The following PDZD2 variants were observed in gnomAD, a reference collection of about 807,000 sequenced individuals.
PDZD2 encodes PDZ domain containing 2.
Under a neutral mutation model 220.7 loss-of-function variants are expected in PDZD2, and 90 were observed. That is an observed-to-expected ratio of 0.41 (90% CI 0.34 to 0.49). The LOEUF (loss-of-function observed/expected upper bound fraction) is 0.49. Ranked by LOEUF, PDZD2 falls within the 20% of genes least tolerant of loss-of-function variation. PDZD2 has a pLI of 0.28. For synonymous variants in PDZD2, 1,375 were observed against 1,450.5 expected, an observed-to-expected ratio of 0.95 and a Z score of 1.18; for missense variants, 3,174 against 3,608.5, an observed-to-expected ratio of 0.88 and a Z score of 3.08.
At chr5:32,067,963 A>T (rs1473115839) in intron 14 of PDZD2, among the ~76,000 whole-genome samples, 1 of 152,212 alleles carries the variant, frequency 6.6e-6, no homozygotes, top group Non-Finnish European at 1.5e-5. Flanking sequence ...GGATATTTAC[A>T]TAGTCTCAAA....
chr5:32,048,415 A>T (rs981321945), intron 7 of PDZD2, 124 bp from the exon 8 acceptor site: 1 of 736,538 alleles, frequency 1.4e-6, no homozygotes, highest in Non-Finnish European at 2.3e-6. Flanking sequence ...CTTTGAGTGT[A>T]TTGGACGCTA....
At chr5:31,741,713 C>A (rs1750277001) in intron 1 of PDZD2, 1 of 152,228 alleles carries the variant, frequency 6.6e-6, no homozygotes, top group Non-Finnish European at 1.5e-5. Flanking sequence ...ACACTTGTGC[C>A]TTTGCTTCTG....
At chr5:31,778,622 A>C (rs776445355) in intron 1 of PDZD2, among the ~76,000 whole-genome samples, 1 of 152,144 alleles carries the variant, frequency 6.6e-6, no homozygotes, top group Non-Finnish European at 1.5e-5. Flanking sequence ...GAAACTCCGA[A>C]CACGTCCGAA....
intron 6 of PDZD2, among the ~76,000 whole-genome samples, chr5:32,012,143 C>T (rs1029345151): frequency 1.1e-4 from 17 of 152,280 alleles, no homozygotes; most frequent in African/African-American, 2.9e-4. Flanking sequence ...TCATTGCTCT[C>T]GTCCCCTCCT....
chr5:31,875,294 T>C (rs889540822), intron 2 of PDZD2, among the ~76,000 whole-genome samples: 2 of 151,972 alleles, frequency 1.3e-5, no homozygotes, highest in African/African-American at 4.8e-5. Flanking sequence ...ATTAAAAATA[T>C]ATTTCAAGGC....
chr5:31,733,208 G>GT (rs1331094548), intron 1 of PDZD2, among the ~76,000 whole-genome samples: 1 of 152,178 alleles, frequency 6.6e-6, no homozygotes, highest in African/African-American at 2.4e-5. Flanking sequence ...CTGGAAGGGA[G>GT]TACAGGGGCT....
At chr5:31,739,487 T>C (rs1750119196) in intron 1 of PDZD2, among the ~76,000 whole-genome samples, 1 of 152,152 alleles carries the variant, frequency 6.6e-6, no homozygotes. Flanking sequence ...AGAATGATAA[T>C]TATATGATAA....
chr5:31,789,351 TG>T (rs1753568309), intron 1 of PDZD2, among the ~76,000 whole-genome samples: 1 of 152,172 alleles, frequency 6.6e-6, no homozygotes, highest in Admixed American at 6.5e-5. Context: ...CGAACATAGG[TG>T]GGTTTCTGTT....
At chr5:31,955,792 T>C (rs1747621985) in intron 2 of PDZD2, among the ~76,000 whole-genome samples, 2 of 151,998 alleles carry the variant, frequency 1.3e-5, no homozygotes, top group Admixed American at 1.3e-4. Flanking sequence ...ACTTGCCTCT[T>C]AGAACTGCTT....
intron 7 of PDZD2, among the ~76,000 whole-genome samples, chr5:32,047,561 A>T (rs534621767): frequency 6.6e-6 from 1 of 152,238 alleles, no homozygotes; most frequent in Non-Finnish European, 1.5e-5. Flanking sequence ...AGAATACGCA[A>T]CAAAGGCCAT....
chr5:31,642,719 G>A (rs1285018484), intron 1 of PDZD2, among the ~76,000 whole-genome samples: 1 of 152,224 alleles, frequency 6.6e-6, no homozygotes, highest in Non-Finnish European at 1.5e-5. Context: ...GCAAGTGCAG[G>A]GAAAGAACAA....
At chr5:31,884,972 A>G (rs1048416788) in intron 2 of PDZD2, among the ~76,000 whole-genome samples, 13 of 152,094 alleles carry the variant, frequency 8.5e-5, no homozygotes, top group Admixed American at 2.6e-4. Flanking sequence ...GGAAGCTACC[A>G]CATTGTTTGT....
chr5:31,884,148 G>A (rs1339622085), intron 2 of PDZD2, among the ~76,000 whole-genome samples: 1 of 152,186 alleles, frequency 6.6e-6, no homozygotes, highest in Non-Finnish European at 1.5e-5. Context: ...AGGAGGCTGA[G>A]GTTGCAGTGA....
At chr5:31,728,047 C>T (rs1749285468) in intron 1 of PDZD2, among the ~76,000 whole-genome samples, 1 of 151,342 alleles carries the variant, frequency 6.6e-6, no homozygotes, top group Non-Finnish European at 1.5e-5. Context: ...CGTCGCTGAC[C>T]ACCTATGGGC....
At chr5:31,920,239 G>A (rs1002319860) in intron 2 of PDZD2, among the ~76,000 whole-genome samples, 6 of 151,978 alleles carry the variant, frequency 3.9e-5, no homozygotes, top group African/African-American at 9.7e-5. Flanking sequence ...GGCTATGAGC[G>A]CGCCACTGCA....
intron 1 of PDZD2, among the ~76,000 whole-genome samples, chr5:31,688,390 A>G (rs56411084): frequency 0.31 from 46,745 of 152,104 alleles, 7,287 homozygotes; most frequent in Middle Eastern, 0.35. Context: ...ACTTCTTTTC[A>G]GATTGGCTTC....
chr5:31,761,218 G>A lies in PDZD2; in HGVS notation c.-360-37671G>A, dbSNP rs60887139. On this transcript the variant is annotated intron_variant, in intron 1 of 24. Coordinates refer to ENST00000438447, the MANE Select transcript of PDZD2 (RefSeq NM_178140.4). ...GAGATAACATGGGAAAGCAACCACA[G>A]TGAAAAGTCACCCAAACGGAAAAAT... 6.2e-3 allele frequency among the ~76,000 whole-genome samples: 940 copies of A among 152,302 alleles called. 10 individuals are homozygous for A. The highest frequency in any genetic ancestry group is 0.021 in the African/African-American group (888 of 41,564).
chr5:31,671,578 A>G (rs986054605), intron 1 of PDZD2, among the ~76,000 whole-genome samples: 3 of 152,162 alleles, frequency 2.0e-5, no homozygotes, highest in African/African-American at 4.8e-5. Context: ...GGCCCCCCAC[A>G]TGCACTAGTG....
At chr5:31,948,660 A>C (rs116356974) in intron 2 of PDZD2, among the ~76,000 whole-genome samples, 38 of 152,332 alleles carry the variant, frequency 2.5e-4, no homozygotes, top group African/African-American at 5.8e-4. Flanking sequence ...GAGAAATTCT[A>C]ATAAAAGGAG....
Sources: gnomAD v4.1 joint callset for allele counts (sites outside exome capture counted in the v4.1 genomes callset) on GRCh38, gnomAD v4.1.1 for gene constraint, MANE v1.5 for transcripts, NCBI Gene and HGNC (gene_info 2026-07-23, HGNC 2026-07-21) for gene names.